Variants in ARPC4 observed in about 807,000 individuals in gnomAD.
ARPC4 encodes the protein actin related protein 2/3 complex subunit 4.
In ARPC4, 3 loss-of-function variants were observed where a neutral mutation model predicts 22.8. The observed-to-expected ratio is 0.13, with a 90% CI of 0.06 to 0.34. The LOEUF is 0.34. Ranked by LOEUF, ARPC4 falls within the 10% of genes least tolerant of loss-of-function variation. ARPC4 has a pLI of 1.00. For missense variants in ARPC4, 98 were observed against 211.0 expected (o/e 0.46, Z 3.32); for synonymous variants, 80 against 72.5 (o/e 1.10, Z -0.52).
chr3:9,796,223 G>A (rs1380808780), intron 1 of ARPC4, among the ~76,000 whole-genome samples: 17 of 152,116 alleles, frequency 1.1e-4, no homozygotes, highest in African/African-American at 2.9e-4. Context: ...GTGAAACTCC[G>A]TCTCTACTAA....
chr3:9,793,483 C>G (rs1003273664), intron 1 of ARPC4, among the ~76,000 whole-genome samples: 1 of 152,200 alleles, frequency 6.6e-6, no homozygotes, highest in African/African-American at 2.4e-5. Flanking sequence ...GTCCACCTGC[C>G]TATCCACAGT....
upstream of ARPC4, chr3:9,792,688 G>C (rs1050115074): frequency 1.6e-6 from 2 of 1,233,344 alleles, no homozygotes; most frequent in South Asian, 7.8e-5. Context: ...TAGCCCCGCC[G>C]AGCGCCAGGA....
intron 4 of ARPC4, among the ~76,000 whole-genome samples, chr3:9,802,887 C>T (rs2079042117): frequency 6.6e-6 from 1 of 151,728 alleles, no homozygotes; most frequent in Non-Finnish European, 1.5e-5. Context: ...TAGGCGGTCT[C>T]AAACTCCTGA....
At chr3:9,802,161 C>A (rs2079022334) in intron 4 of ARPC4, among the ~76,000 whole-genome samples, 1 of 142,404 alleles carries the variant, frequency 7.0e-6, no homozygotes, top group Admixed American at 7.6e-5. Flanking sequence ...CTGGTTGAAC[C>A]TGGGAGGCGG....
chr3:9,792,573 C>G (rs1025553878), upstream of ARPC4: 5 of 1,228,944 alleles, frequency 4.1e-6, no homozygotes, highest in Non-Finnish European at 5.1e-6. Context: ...GGGCCTCGAG[C>G]AAAGCCGCTA....
At chr3:9,796,782 A>C (rs149623687) in intron 1 of ARPC4, among the ~76,000 whole-genome samples, 3,748 of 151,882 alleles carry the variant, frequency 0.025, 82 homozygotes, top group African/African-American at 0.034. Flanking sequence ...TCTACTAAAA[A>C]TACAAAAAGT....
intron 5 of ARPC4, among the ~76,000 whole-genome samples, 183 bp from the exon 6 acceptor site, chr3:9,806,027 G>A (rs1367190206): frequency 6.6e-6 from 1 of 152,182 alleles, no homozygotes; most frequent in Non-Finnish European, 1.5e-5. Flanking sequence ...TAGGGCCGGT[G>A]CCCATAGGTC....
chr3:9,793,148 A>G (rs1006660538), intron 1 of ARPC4, 24 bp downstream of exon 1: 31 of 1,539,162 alleles, frequency 2.0e-5, no homozygotes, highest in African/African-American at 2.8e-5. Flanking sequence ...GCCCCCGGCC[A>G]GGGACCCCCG....
At chr3:9,792,530 C>T (rs2078764485), upstream of ARPC4, 19 of 1,223,518 alleles carry the variant, frequency 1.6e-5, no homozygotes, top group Non-Finnish European at 1.8e-5. Context: ...CGAGGGCGAG[C>T]CTACTGGAGT....
At chr3:9,796,605 A>G (rs1005394064) in intron 1 of ARPC4, among the ~76,000 whole-genome samples, 1 of 152,158 alleles carries the variant, frequency 6.6e-6, no homozygotes, top group African/African-American at 2.4e-5. Context: ...GGCTGATACA[A>G]GGACTGACCA....
upstream of ARPC4, chr3:9,792,644 C>A: frequency 1.6e-6 from 2 of 1,230,184 alleles, no homozygotes; most frequent in East Asian, 6.3e-5. Context: ...GGGCGGGAGG[C>A]GGAGCTTGGC....
At chr3:9,796,178 G>C (rs2078880623) in intron 1 of ARPC4, among the ~76,000 whole-genome samples, 1 of 152,130 alleles carries the variant, frequency 6.6e-6, no homozygotes, top group African/African-American at 2.4e-5. Context: ...CGGATTGCCT[G>C]AGGTCAGGAT....
intron 4 of ARPC4, chr3:9,803,635 C>T: frequency 1.4e-6 from 1 of 726,452 alleles, no homozygotes. Context: ...ACACAGAATT[C>T]TCAACGGGGT....
chr3:9,805,614 C>G (rs2079092324), intron 5 of ARPC4, among the ~76,000 whole-genome samples: 1 of 152,222 alleles, frequency 6.6e-6, no homozygotes, highest in African/African-American at 2.4e-5. Flanking sequence ...AGGTTGGCAA[C>G]TAATTCATAT....
intron 1 of ARPC4, among the ~76,000 whole-genome samples, chr3:9,793,691 C>A (rs575615299): frequency 6.6e-6 from 1 of 152,190 alleles, no homozygotes; most frequent in African/African-American, 2.4e-5. Context: ...TGTATGTTAG[C>A]TGTGATACTG....
At chr3:9,800,754 G>C (rs1055199592) in intron 3 of ARPC4, among the ~76,000 whole-genome samples, 2 of 152,056 alleles carry the variant, frequency 1.3e-5, no homozygotes, top group Non-Finnish European at 2.9e-5. Flanking sequence ...CTTTCAACAG[G>C]ATGAAAACGA....
At chr3:9,794,511 G>T (rs929229418) in intron 1 of ARPC4, among the ~76,000 whole-genome samples, 3 of 151,858 alleles carry the variant, frequency 2.0e-5, no homozygotes, top group African/African-American at 4.8e-5. Flanking sequence ...AAAAAAAAGC[G>T]TTGCAAAAAC....
intron 3 of ARPC4, among the ~76,000 whole-genome samples, chr3:9,801,369 T>C (rs1312976270): frequency 2.6e-5 from 4 of 151,970 alleles, no homozygotes; most frequent in Non-Finnish European, 5.9e-5. Context: ...AATGTGACAC[T>C]AGTGAAATGA....
chr3:9,802,536 T>C (rs1342015872), intron 4 of ARPC4, among the ~76,000 whole-genome samples: 75 of 150,138 alleles, frequency 5.0e-4, no homozygotes, highest in African/African-American at 1.8e-3. Flanking sequence ...CCACCACACC[T>C]GGCTAATTTT....
Sources: allele counts gnomAD v4.1 joint callset (sites outside exome capture counted in the v4.1 genomes callset), GRCh38; gene constraint gnomAD v4.1.1; transcripts MANE v1.5; gene names NCBI Gene and HGNC (gene_info 2026-07-23, HGNC 2026-07-21).